Variants in URI1 observed in about 807,000 individuals in gnomAD.
URI1 encodes the protein unconventional prefoldin RPB5 interactor 1.
A neutral mutation model predicts 60.2 loss-of-function variants in URI1; 39 were observed. The ratio of observed to expected loss-of-function variants is 0.65; its 90% CI spans 0.50 to 0.85. The LOEUF (loss-of-function observed/expected upper bound fraction) is 0.85. Ranked by LOEUF, URI1 falls within the 40% of genes least tolerant of loss-of-function variation. The pLI, the probability that URI1 is intolerant of heterozygous loss-of-function variation, is 0.00. For missense variants in URI1, 691 were observed against 665.9 expected (o/e 1.04, Z -0.42); for synonymous variants, 251 against 236.8 (o/e 1.06, Z -0.55).
chr19:29,976,718 A>G (rs949258006), intron 2 of URI1, among the ~76,000 whole-genome samples: 1 of 152,240 alleles, frequency 6.6e-6, no homozygotes, highest in Admixed American at 6.5e-5. Flanking sequence ...CTGGCAGTTC[A>G]TCTTTATGTT....
chr19:29,962,922 C>T (rs2055344797), intron 1 of URI1, among the ~76,000 whole-genome samples: 1 of 152,086 alleles, frequency 6.6e-6, no homozygotes, highest in South Asian at 2.1e-4. Flanking sequence ...TTTCAAGATA[C>T]TCTGTTATCT....
rs2055069707 is a variant in URI1, at chr19:29,944,154, T to TGA, written c.117+1490_117+1491insGA. On this transcript the variant is annotated intron_variant, in intron 1 of 10. Coordinates refer to ENST00000392271, the MANE Select transcript of URI1 (RefSeq NM_003796.3). ...ACCCTGTCATTCATATATATATATA[T>TGA]ATATATATATATATATATATATATA... is the stretch of plus-strand genomic sequence containing the variant. Among the ~76,000 whole-genome samples, 10 of 50,040 alleles carry TGA rather than the reference T, an allele frequency of 2.0e-4. 1 individual carries two copies. The highest frequency in any genetic ancestry group is 1.1e-3 in the African/African-American group (9 of 8,074). 32.8% of individuals were successfully genotyped at this position (50,040 alleles called of 152,430 possible).
intron 3 of URI1, 105 bp downstream of exon 3, chr19:29,985,406 C>G: frequency 2.3e-6 from 2 of 855,828 alleles, no homozygotes; most frequent in East Asian, 5.3e-5. Flanking sequence ...TCCAAGGTAA[C>G]TATGTAGCAA....
intron 4 of URI1, among the ~76,000 whole-genome samples, chr19:29,988,365 T>C (rs552208790): frequency 2.6e-5 from 4 of 152,192 alleles, no homozygotes; most frequent in African/African-American, 7.2e-5. Flanking sequence ...TTGGGGAAGG[T>C]CTGAGTTACA....
intron 1 of URI1, among the ~76,000 whole-genome samples, chr19:29,967,593 T>C (rs1271226764): frequency 6.6e-6 from 1 of 152,226 alleles, no homozygotes; most frequent in Non-Finnish European, 1.5e-5. Flanking sequence ...GGCAAGGTCT[T>C]ATTTGTGAGT....
chr19:29,995,491 C>T (rs1327312851), intron 4 of URI1, among the ~76,000 whole-genome samples: 1 of 151,022 alleles, frequency 6.6e-6, no homozygotes, highest in African/African-American at 2.4e-5. Flanking sequence ...GTGTAATTTG[C>T]AAATATTTTC....
chr19:29,996,139 CA>C (rs948177022), intron 4 of URI1, among the ~76,000 whole-genome samples: 9 of 148,054 alleles, frequency 6.1e-5, no homozygotes, highest in East Asian at 3.9e-4. Context: ...TCTGTTTTTG[CA>C]AAAAAAAAAT....
At chr19:29,963,676 T>C (rs770899914) in intron 1 of URI1, among the ~76,000 whole-genome samples, 3 of 152,190 alleles carry the variant, frequency 2.0e-5, no homozygotes, top group Non-Finnish European at 4.4e-5. Flanking sequence ...TCTTTAAAGA[T>C]TGTAGATATT....
In URI1 at chr19:29,931,240, G is replaced by A. The variant is rs367561009; in HGVS notation, c.63+7486G>A. 5.1e-4 allele frequency among the ~76,000 whole-genome samples: 78 copies of A among 152,214 alleles called. 4 individuals carry two copies. The South Asian group carries it at 0.015, about 30-fold the overall frequency. On this transcript the variant is annotated intron_variant, in intron 1 of 10. Coordinates refer to the URI1 transcript ENST00000360605. ...AGAACATTGTTGTATTAGTCTGCTTGAACTGCTATAACAAAATACCATGAC... is the reference window on the plus strand; with the variant it reads ...AGAACATTGTTGTATTAGTCTGCTTAAACTGCTATAACAAAATACCATGAC...
Position 29,942,456 on chromosome 19 carries a change from G to T in URI1, c.-92G>T. The stretch of plus-strand genomic sequence containing the variant: ...CGCGGGGCGCGCGGTGCCTGAGGGC[G>T]GGCGCGCGGGCGCTGGGCAACTGCC... On this transcript the variant is annotated 5_prime_UTR_variant, in exon 1 of 11. Coordinates refer to ENST00000392271, the MANE Select transcript of URI1 (RefSeq NM_003796.3). 1 of 1,017,984 alleles carries T rather than the reference G, an allele frequency of 9.8e-7. No individual in the cohort carries two copies. Among genetic ancestry groups the T allele is most frequent in the South Asian group, 4.4e-5 (1 of 22,474 alleles). The allele number at this position is 1,017,984 out of a possible 1,614,324, so 63.1% of individuals were successfully genotyped here.
intron 1 of URI1, among the ~76,000 whole-genome samples, chr19:29,944,024 A>C (rs2055065427): frequency 6.7e-6 from 1 of 149,368 alleles, no homozygotes; most frequent in African/African-American, 2.5e-5. Flanking sequence ...TTGTAGTCCC[A>C]CGTACTTGGG....
intron 1 of URI1, among the ~76,000 whole-genome samples, chr19:29,949,253 GCTC>G (rs2055145237): frequency 6.8e-6 from 1 of 147,698 alleles, no homozygotes; most frequent in South Asian, 2.2e-4. Flanking sequence ...GGGCAGAGAC[GCTC>G]CTCATCTCCC....
chr19:29,967,104 TTAC>T (rs2055400390), intron 1 of URI1, among the ~76,000 whole-genome samples: 1 of 152,212 alleles, frequency 6.6e-6, no homozygotes, highest in Non-Finnish European at 1.5e-5. Flanking sequence ...ACTGGAGATC[TTAC>T]TGCATGTTAC....
At chr19:29,954,400 A>G (rs763654445) in intron 1 of URI1, among the ~76,000 whole-genome samples, 20 of 152,290 alleles carry the variant, frequency 1.3e-4, no homozygotes, top group African/African-American at 3.1e-4. Context: ...CATTTTATGA[A>G]TACATGAAAA....
At chr19:29,946,826 C>G (rs1443530621) in intron 1 of URI1, among the ~76,000 whole-genome samples, 1 of 152,198 alleles carries the variant, frequency 6.6e-6, no homozygotes, top group Non-Finnish European at 1.5e-5. Flanking sequence ...CTACTACATG[C>G]CAGGCATGTT....
chr19:29,940,516 G>A (rs143888746), upstream of URI1, among the ~76,000 whole-genome samples: 1,078 of 152,222 alleles, frequency 7.1e-3, 10 homozygotes, highest in African/African-American at 0.024. Context: ...AGGTGTGGTG[G>A]CACGCGCCTG....
chr19:29,942,171 T>G, upstream of URI1: 1 of 976,182 alleles, frequency 1.0e-6, no homozygotes, highest in Non-Finnish European at 1.2e-6. Flanking sequence ...GGGCGGGGCC[T>G]GCGCGAGCTG....
Position 30,007,634 on chromosome 19 carries a change from G to C in URI1, c.682G>C (p.Asp228His). 6.2e-7 allele frequency: 1 copy of C among 1,601,600 alleles called. No homozygotes were observed. Among genetic ancestry groups the C allele is most frequent in the Non-Finnish European group, 8.5e-7 (1 of 1,174,572 alleles). The change falls in exon 7 of 11, where the codon GAT becomes CAT. Residue 228 changes from aspartate to histidine, a missense_variant. By Grantham distance (81) the Asp-to-His change is moderately conservative. Transcript: ENST00000392271. ...ACAGGAAGAATTGCTGGGTGAACTT[G>C]ATAGGTACTTGATGACAAATTATCT... ...ERQEELLGEL[D>H]SKPDTVIANG...
chr19:29,942,280 C>G lies in URI1; in HGVS notation c.-268C>G, dbSNP rs540733647. ...CCGCCACGCGACGCCTGGCTGGGCCCGCACCGGAGAGGCGTCTCGGTACCT... is the reference window on the plus strand; with the variant it reads ...CCGCCACGCGACGCCTGGCTGGGCCGGCACCGGAGAGGCGTCTCGGTACCT... On this transcript the variant is annotated 5_prime_UTR_variant, in exon 1 of 11. Transcript: ENST00000392271. 16 of 984,952 alleles carry G rather than the reference C, an allele frequency of 1.6e-5. No homozygotes were observed. Among genetic ancestry groups the G allele is most frequent in the Admixed American group, 6.2e-5 (1 of 16,168 alleles). The allele number at this position is 984,952 out of a possible 1,614,324, so 61.0% of individuals were successfully genotyped here. A position where few individuals can be genotyped will look rare whatever the true frequency, so the allele number is the denominator to read the frequency against.
Sources: gnomAD v4.1 joint callset for allele counts (sites outside exome capture counted in the v4.1 genomes callset) on GRCh38, gnomAD v4.1.1 for gene constraint, MANE v1.5 for transcripts, NCBI Gene and HGNC (gene_info 2026-07-23, HGNC 2026-07-21) for gene names.